Variants in GPM6A observed in about 807,000 individuals in gnomAD.
The protein encoded by GPM6A is glycoprotein M6A.
Under a neutral mutation model 32.1 loss-of-function variants are expected in GPM6A, and 7 were observed. That is an observed-to-expected ratio of 0.22 (90% CI 0.12 to 0.41). The LOEUF is 0.41. Ranked by LOEUF, GPM6A falls within the 10% of genes least tolerant of loss-of-function variation. The probability of loss-of-function intolerance (pLI) is 1.00; values close to 1 mark genes in which losing one functional copy is unlikely to be tolerated. For synonymous variants in GPM6A, 130 were observed against 123.4 expected, an observed-to-expected ratio of 1.05 and a Z score of -0.35; for missense variants, 235 against 347.2, an observed-to-expected ratio of 0.68 and a Z score of 2.57.
chr4:175,721,877 C>T (rs925744604), intron 1 of GPM6A, among the ~76,000 whole-genome samples: 1 of 152,110 alleles, frequency 6.6e-6, no homozygotes, highest in African/African-American at 2.4e-5. Flanking sequence ...GAGTGAAAGA[C>T]ATTCACAGTG....
At chr4:175,814,379 A>C (rs1735035908), upstream of GPM6A, among the ~76,000 whole-genome samples, 1 of 152,146 alleles carries the variant, frequency 6.6e-6, no homozygotes, top group African/African-American at 2.4e-5. Flanking sequence ...ATGTCTGTTG[A>C]TTTCTTGCCT....
intron 1 of GPM6A, among the ~76,000 whole-genome samples, chr4:175,808,093 C>T (rs577158040): frequency 5.1e-4 from 78 of 152,064 alleles, no homozygotes; most frequent in Middle Eastern, 3.4e-3. Flanking sequence ...CTCTTTTTTT[C>T]GTTGATTATA....
intron 2 of GPM6A, among the ~76,000 whole-genome samples, chr4:175,695,991 T>C (rs1461297641): frequency 6.6e-6 from 1 of 152,138 alleles, no homozygotes; most frequent in African/African-American, 2.4e-5. Context: ...TAATTCACAA[T>C]AACTGGTTGT....
rs575013488 is a variant in GPM6A at position 175,820,643 on chromosome 4, G to A, written c.-22-8394C>T. Among the ~76,000 whole-genome samples the A allele has an allele frequency of 1.3e-3, 191 of 151,796 alleles. 1 individual carries two copies. The highest frequency in any genetic ancestry group is 2.4e-3 in the Non-Finnish European group (160 of 67,954). On this transcript the variant is annotated intron_variant, in intron 1 of 7. Coordinates refer to the GPM6A transcript ENST00000280187. ...AGCCTCCCAAGTACTGGGATTACAG[G>A]CATGCGCCACCACGCCCAGCTAATT...
intron 1 of GPM6A, among the ~76,000 whole-genome samples, chr4:175,999,862 C>T (rs900114817): frequency 1.3e-5 from 2 of 152,322 alleles, no homozygotes; most frequent in East Asian, 3.9e-4. Flanking sequence ...AACTCCCTAC[C>T]ATCCCTACTA....
intron 1 of GPM6A, among the ~76,000 whole-genome samples, chr4:175,718,437 G>A (rs1008816956): frequency 1.3e-5 from 2 of 151,982 alleles, no homozygotes; most frequent in Non-Finnish European, 2.9e-5. Context: ...CCAACATGGT[G>A]AAACCCCATC....
rs188674432 is a variant in GPM6A, at chr4:175,747,171, G to A, written c.38-45404C>T. Among the ~76,000 whole-genome samples, 473 of 151,046 alleles carry A rather than the reference G, an allele frequency of 3.1e-3. 9 individuals carry two copies. The highest frequency in any genetic ancestry group is 1.1e-3 in the Non-Finnish European group (77 of 67,910). On this transcript the variant is annotated intron_variant, in intron 1 of 6. Coordinates refer to ENST00000393658, the MANE Select transcript of GPM6A (RefSeq NM_201591.3). ...TGTAATCCCAGCTACTTGGGAGGCT[G>A]AGGCAGGAGAATCGCTTGAACCGAG...
intron 1 of GPM6A, among the ~76,000 whole-genome samples, chr4:175,976,672 T>C (rs954845170): frequency 7.9e-5 from 12 of 152,250 alleles, no homozygotes; most frequent in Admixed American, 1.3e-4. Flanking sequence ...GGTACACAGA[T>C]GAACGGTCCA....
chr4:175,806,203 T>C (rs1473376698), intron 1 of GPM6A: 2 of 152,206 alleles, frequency 1.3e-5, no homozygotes, highest in Non-Finnish European at 2.9e-5. Flanking sequence ...AGTTATCTCC[T>C]GTATCCTATG....
At chr4:175,930,403 T>C (rs1348442835) in intron 1 of GPM6A, among the ~76,000 whole-genome samples, 1 of 141,694 alleles carries the variant, frequency 7.1e-6, no homozygotes, top group Admixed American at 7.3e-5. Context: ...AAAAAATCTT[T>C]AGAGGCTTTT....
At chr4:175,670,682 G>A (rs1435514376) in intron 3 of GPM6A, among the ~76,000 whole-genome samples, 1 of 151,936 alleles carries the variant, frequency 6.6e-6, no homozygotes. Context: ...GGTTTTACGT[G>A]CCTCAAATTC....
intron 1 of GPM6A, among the ~76,000 whole-genome samples, chr4:175,798,213 T>C (rs1048556456): frequency 6.6e-6 from 1 of 152,202 alleles, no homozygotes; most frequent in Non-Finnish European, 1.5e-5. Context: ...GTCACTCTTC[T>C]AAGTTATTCA....
At chr4:175,911,635 T>C (rs1738321891) in intron 1 of GPM6A, among the ~76,000 whole-genome samples, 1 of 152,272 alleles carries the variant, frequency 6.6e-6, no homozygotes, top group East Asian at 1.9e-4. Context: ...TAAGAAAACA[T>C]AAGTTCAGTT....
intron 4 of GPM6A, among the ~76,000 whole-genome samples, chr4:175,643,628 C>A (rs1254697859): frequency 6.6e-6 from 1 of 151,988 alleles, no homozygotes; most frequent in Non-Finnish European, 1.5e-5. Flanking sequence ...GCAAGAGAGA[C>A]CCCAACTCAC....
intron 6 of GPM6A, among the ~76,000 whole-genome samples, chr4:175,636,281 T>TGG (rs1740596671): frequency 7.7e-6 from 1 of 129,976 alleles, no homozygotes; most frequent in African/African-American, 2.7e-5. Context: ...TATATATATA[T>TGG]ATATATATAT....
At chr4:176,001,455 G>A (rs888457948) in intron 1 of GPM6A, among the ~76,000 whole-genome samples, 4 of 152,174 alleles carry the variant, frequency 2.6e-5, no homozygotes, top group African/African-American at 4.8e-5. Flanking sequence ...GGTGACTCGT[G>A]GGACCCTGCG....
At chr4:175,639,723 T>C (rs1741025666) in intron 6 of GPM6A, among the ~76,000 whole-genome samples, 1 of 152,178 alleles carries the variant, frequency 6.6e-6, no homozygotes, top group East Asian at 1.9e-4. Flanking sequence ...CATTTGTTTT[T>C]TTTAATAACC....
At chr4:175,876,007 G>T (rs937420809) in intron 1 of GPM6A, among the ~76,000 whole-genome samples, 6 of 152,140 alleles carry the variant, frequency 3.9e-5, no homozygotes, top group African/African-American at 1.2e-4. Flanking sequence ...GCAAGCACTG[G>T]TTTTATTTCT....
chr4:175,717,927 A>G (rs543592429), intron 1 of GPM6A, among the ~76,000 whole-genome samples: 1 of 152,322 alleles, frequency 6.6e-6, no homozygotes, highest in East Asian at 1.9e-4. Context: ...AACATGGCAT[A>G]TGAAGTCACT....
Sources: allele counts gnomAD v4.1 joint callset (sites outside exome capture counted in the v4.1 genomes callset), GRCh38; gene constraint gnomAD v4.1.1; transcripts MANE v1.5; gene names NCBI Gene and HGNC (gene_info 2026-07-23, HGNC 2026-07-21).